Variants in CALML4 observed in about 807,000 individuals in gnomAD.
The protein encoded by CALML4 is calmodulin-like protein 4.
CALML4 carries 16 observed loss-of-function variants against 17.9 expected under a neutral mutation model. That is an observed-to-expected ratio of 0.89 (90% confidence interval 0.61 to 1.36). The LOEUF (loss-of-function observed/expected upper bound fraction) is 1.36. Among genes scored for constraint, CALML4 ranks in the 40% most tolerant of loss-of-function variants. The probability of loss-of-function intolerance (pLI) is 0.00; values close to 1 mark genes in which losing one functional copy is unlikely to be tolerated. For synonymous variants in CALML4, 86 were observed against 71.5 expected (o/e 1.20, Z -1.02); for missense variants, 203 against 194.8 (o/e 1.04, Z -0.25).
Position 68,194,015 on chromosome 15 carries a change from T to C in CALML4, c.462A>G (p.Ter154TrpextTer17), listed in dbSNP as rs200140856. The C allele has an allele frequency of 2.2e-4, 361 of 1,611,988 alleles. No homozygotes were observed. The African/African-American group carries it at 4.3e-3, about 19-fold the overall frequency. The change falls in exon 5 of 5, where the codon TGA becomes TGG. Residue 154 changes from the stop codon to tryptophan (W), a stop_lost. Coordinates refer to ENST00000467889, the MANE Select transcript of CALML4 (RefSeq NM_033429.3). Reference protein sequence around the residue: ...HKITLPGRDY* With the variant: ...HKITLPGRDYW Reference sequence around the variant, plus strand: ...GGGGAGGCTCTCCCATTCTCCTCCTTCAATAGTCCCGTCCAGGAAGGGTGA... The same window carrying C: ...GGGGAGGCTCTCCCATTCTCCTCCTCCAATAGTCCCGTCCAGGAAGGGTGA...
At chr15:68,194,384 C>T (rs917808197) in intron 4 of CALML4, among the ~76,000 whole-genome samples, 4 of 141,062 alleles carry the variant, frequency 2.8e-5, no homozygotes, top group Admixed American at 2.8e-4. Context: ...CCACCGTGTG[C>T]TTTTTTTTTT....
rs147765543 is a variant in CALML4 at position 68,203,691 on chromosome 15, G to A, written c.34+1430C>T. Among the ~76,000 whole-genome samples, 1,080 of 152,262 alleles carry A rather than the reference G, an allele frequency of 7.1e-3. 12 individuals are homozygous for A. The highest frequency in any genetic ancestry group is 7.7e-3 in the African/African-American group (321 of 41,554). On this transcript the variant is annotated intron_variant, in intron 2 of 4. Transcript: ENST00000467889. ...TAACTGACATTATTCCCCTCTGTCCGTGGCTCGCAGCAGCCTGGTAAGGTG... is the reference window on the plus strand; with the variant it reads ...TAACTGACATTATTCCCCTCTGTCCATGGCTCGCAGCAGCCTGGTAAGGTG...
chr15:68,205,160 G>C lies in CALML4; in HGVS notation c.4-9C>G. On this transcript the variant is annotated splice_polypyrimidine_tract_variant and intron_variant, in intron 1 of 4. Transcript: ENST00000467889. The surrounding 1 kb of genome is among the most constrained non-coding windows in gnomAD (Gnocchi z 4.8). The stretch of plus-strand genomic sequence containing the variant: ...TGGGAAAGAAACTTGGCCTGCAGCA[G>C]AGAAAGGAAAACAGTCAGGGGAGGG... 1.2e-6 allele frequency: 2 copies of C among 1,614,184 alleles called. No individual in the cohort carries two copies. Among genetic ancestry groups the C allele is most frequent in the Non-Finnish European group, 1.7e-6 (2 of 1,180,032 alleles).
rs2093150085 is a variant in CALML4, at chr15:68,197,578, G to C, written c.226C>G (p.Gln76Glu). 1.2e-6 allele frequency: 2 copies of C among 1,613,940 alleles called. No homozygotes were observed. Among genetic ancestry groups the C allele is most frequent in the African/African-American group, 2.7e-5 (2 of 74,860 alleles). Residue 76 changes from glutamine (Q) to glutamate (E), a missense_variant, in exon 4 of 5, where the codon CAA becomes GAA. Gln to Glu is a conservative substitution (Grantham distance 29, BLOSUM62 2). Coordinates refer to ENST00000467889, the MANE Select transcript of CALML4 (RefSeq NM_033429.3). The surrounding 1 kb of genome is among the most constrained non-coding windows in gnomAD (Gnocchi z 4.1). Reference protein sequence around the residue: ...FSTFLTIMHMQIKQEDPKKEI... With the variant: ...FSTFLTIMHMEIKQEDPKKEI... ...TTCTTTGGGTCTTCTTGTTTTATTT[G>C]CATGTGCATAATGGTCAGAAAAGTG...
Position 68,192,442 on chromosome 15 carries a change from C to G in CALML4, c.*1573G>C, listed in dbSNP as rs774243243. 7.2e-5 allele frequency: 11 copies of G among 152,190 alleles called. No homozygotes were observed. The highest frequency in any genetic ancestry group is 1.5e-4 in the Non-Finnish European group (10 of 68,044). The allele number at this position is 152,190 out of a possible 1,614,324, so 9.4% of individuals were successfully genotyped here. On this transcript the variant is annotated 3_prime_UTR_variant, in exon 5 of 5. Coordinates refer to ENST00000467889, the MANE Select transcript of CALML4 (RefSeq NM_033429.3). ...ACCCCACAAAACATCTGCTCCTACA[C>G]TGTGTGGACCTGGGCTTCCCAGCCA...
intron 4 of CALML4, among the ~76,000 whole-genome samples, chr15:68,194,545 G>A (rs1332932500): frequency 6.6e-6 from 1 of 152,028 alleles, no homozygotes; most frequent in African/African-American, 2.4e-5. Flanking sequence ...CACCATGCCC[G>A]GCTAATTTTT....
chr15:68,204,968 G>A lies in CALML4; in HGVS notation c.34+153C>T, dbSNP rs949119836. 6.6e-6 allele frequency among the ~76,000 whole-genome samples: 1 copy of A among 151,894 alleles called. No homozygotes were observed. The highest frequency in any genetic ancestry group is 2.4e-5 in the African/African-American group (1 of 41,332). On this transcript the variant is annotated intron_variant, in intron 2 of 4. Transcript: ENST00000467889. The surrounding 1 kb of genome is among the most constrained non-coding windows in gnomAD (Gnocchi z 6.0). Reference sequence around the variant, plus strand: ...GAGGCTTACCCCCAACCCCCACCCCGCCAACAGCAGCCTCCCCGCAGCTCT... The same window carrying A: ...GAGGCTTACCCCCAACCCCCACCCCACCAACAGCAGCCTCCCCGCAGCTCT...
intron 2 of CALML4, among the ~76,000 whole-genome samples, chr15:68,201,284 G>A (rs1461869121): frequency 1.3e-5 from 2 of 152,260 alleles, no homozygotes. Flanking sequence ...AAAGGCCCAG[G>A]GGAAGCAGGG....
chr15:68,201,843 T>C (rs2093166393), intron 2 of CALML4, among the ~76,000 whole-genome samples: 1 of 152,238 alleles, frequency 6.6e-6, no homozygotes, highest in Non-Finnish European at 1.5e-5. Flanking sequence ...CTGGGCTTCC[T>C]GCTGGCCCCT....
chr15:68,195,590 T>TAGAA (rs2141123068), intron 4 of CALML4, among the ~76,000 whole-genome samples: 1 of 152,164 alleles, frequency 6.6e-6, no homozygotes, highest in African/African-American at 2.4e-5. Context: ...CAAAGACCCA[T>TAGAA]AGAAAGCCAA....
Position 68,205,037 on chromosome 15 carries a change from C to A in CALML4, c.34+84G>T. The A allele has an allele frequency of 6.6e-7, 1 of 1,525,042 alleles. No homozygotes were observed. The highest frequency in any genetic ancestry group is 9.1e-7 in the Non-Finnish European group (1 of 1,103,424). 94.5% of individuals were successfully genotyped at this position (1,525,042 alleles called of 1,614,324 possible). On this transcript the variant is annotated intron_variant, in intron 2 of 4. Coordinates refer to ENST00000467889, the MANE Select transcript of CALML4 (RefSeq NM_033429.3). This position sits in a 1 kb window ranked among gnomAD's most constrained non-coding sequence, Gnocchi z 4.8. ...GCTCTCCCACAGCCACCTTCCTTCC[C>A]ACCAAGAAAACATGAGCAGAGCAAA...
At position 68,197,494 on chromosome 15, in the gene CALML4, A is replaced by T. The variant is rs1157016288; in HGVS notation, c.310T>A (p.Ser104Thr). Reference sequence around the variant, plus strand: ...CTCGTGAGTTTTGACCGCAGGTCGGACGCCATGACGTAACCTTTCTTCTCC... The same window carrying T: ...CTCGTGAGTTTTGACCGCAGGTCGGTCGCCATGACGTAACCTTTCTTCTCC... ...DKEKKGYVMA[S>T]DLRSKLTSLG... The change falls in exon 4 of 5, where the codon TCC becomes ACC. Residue 104 changes from serine (S) to threonine (T), a missense_variant. By Grantham distance (58) the Ser-to-Thr change is moderately conservative. Coordinates refer to ENST00000467889, the MANE Select transcript of CALML4 (RefSeq NM_033429.3). The surrounding 1 kb of genome is among the most constrained non-coding windows in gnomAD (Gnocchi z 4.1). The T allele has an allele frequency of 6.2e-7, 1 of 1,614,122 alleles. No individual in the cohort carries two copies. Among genetic ancestry groups the T allele is most frequent in the Non-Finnish European group, 8.5e-7 (1 of 1,180,024 alleles).
intron 2 of CALML4, among the ~76,000 whole-genome samples, chr15:68,202,271 A>G (rs1019618816): frequency 1.3e-5 from 2 of 152,248 alleles, no homozygotes; most frequent in Non-Finnish European, 2.9e-5. Context: ...GTAGCACACA[A>G]TTTACAAATA....
Position 68,197,824 on chromosome 15 carries a change from ATTC to A in CALML4, c.176-199_176-197del. 1 of 567,976 alleles carries A rather than the reference ATTC, an allele frequency of 1.8e-6. No individual in the cohort carries two copies. The highest frequency in any genetic ancestry group is 2.3e-5 in the South Asian group (1 of 43,490). 35.2% of individuals were successfully genotyped at this position (567,976 alleles called of 1,614,324 possible). A position where few individuals can be genotyped will look rare whatever the true frequency, so the allele number is the denominator to read the frequency against. On this transcript the variant is annotated intron_variant, in intron 3 of 4. Coordinates refer to ENST00000467889, the MANE Select transcript of CALML4 (RefSeq NM_033429.3). This position sits in a 1 kb window ranked among gnomAD's most constrained non-coding sequence, Gnocchi z 4.1. The stretch of plus-strand genomic sequence containing the variant: ...CGACAGGCCCCTCACTGGACTGGAC[ATTC>A]TTCATTTCAGCAACGTCCTCAGTGA...
In CALML4 at chr15:68,192,236, G is replaced by A. The variant is rs1264114933; in HGVS notation, c.*1779C>T. On this transcript the variant is annotated 3_prime_UTR_variant, in exon 5 of 5. Transcript: ENST00000467889. ...GGCCTAGGACCTTTGAGCTTTGCCT[G>A]AAAGTGACAGCAGTTCTCTCGGCGG... The A allele has an allele frequency of 6.6e-6, 1 of 152,094 alleles. No homozygotes were observed. The highest frequency in any genetic ancestry group is 1.5e-5 in the Non-Finnish European group (1 of 68,008). 9.4% of individuals were successfully genotyped at this position (152,094 alleles called of 1,614,324 possible).
At position 68,193,136 on chromosome 15, in the gene CALML4, C is replaced by T. The variant is rs2093127863; in HGVS notation, c.*879G>A. On this transcript the variant is annotated 3_prime_UTR_variant, in exon 5 of 5. Transcript: ENST00000467889. ...TGGGGAGGTGGCTTAAGGCAATGAC[C>T]AGTGTGGGCCACTTGAGCAGACCAT... is the stretch of plus-strand genomic sequence containing the variant. The T allele has an allele frequency of 6.6e-6, 1 of 152,258 alleles. No homozygotes were observed. Among genetic ancestry groups the T allele is most frequent in the African/African-American group, 2.4e-5 (1 of 41,448 alleles). The allele number at this position is 152,258 out of a possible 1,614,324, so 9.4% of individuals were successfully genotyped here.
At chr15:68,205,755 G>C (rs187969629), upstream of CALML4, 66 of 237,568 alleles carry the variant, frequency 2.8e-4, no homozygotes, top group Non-Finnish European at 1.2e-4. This position sits in a 1 kb window ranked among gnomAD's most constrained non-coding sequence, Gnocchi z 4.8. Context: ...CTTGGGGCTC[G>C]GTATTGCAGG....
upstream of CALML4, chr15:68,205,491 T>C (rs1463441830): frequency 3.8e-6 from 5 of 1,318,970 alleles, no homozygotes; most frequent in East Asian, 4.9e-5. This position sits in a 1 kb window ranked among gnomAD's most constrained non-coding sequence, Gnocchi z 4.8. Flanking sequence ...AGGCTCTCCC[T>C]GGGCTCAGAG....
At position 68,194,107 on chromosome 15, in the gene CALML4, C is replaced by T. The variant is rs779709317; in HGVS notation, c.370G>A (p.Asp124Asn). ...GEKLTHKEVD[D>N]LFREADIEPN... ...TCGATATCTGCTTCCCTGAAGAGAT[C>T]ATCCACTGCAATAAATCACATTTAA... The change falls in exon 5 of 5, where the codon GAT (aspartate) becomes AAT (asparagine). Residue 124 changes from aspartate (D) to asparagine (N), a missense_variant. Coordinates refer to ENST00000467889, the MANE Select transcript of CALML4 (RefSeq NM_033429.3). The T allele has an allele frequency of 4.3e-6, 7 of 1,609,428 alleles. No homozygotes were observed. The African/African-American group carries it at 6.7e-5, about 15-fold the overall frequency.
Sources: allele counts gnomAD v4.1 joint callset (sites outside exome capture counted in the v4.1 genomes callset), GRCh38; gene constraint gnomAD v4.1.1; non-coding constraint Gnocchi (gnomAD v3.1); transcripts MANE v1.5; gene names NCBI Gene and HGNC (gene_info 2026-07-23, HGNC 2026-07-21).